The following DIP2C variants were observed in gnomAD, a reference collection of about 807,000 sequenced individuals.
DIP2C encodes the protein disco-interacting protein 2 homolog C.
Under a neutral mutation model 192.4 loss-of-function variants are expected in DIP2C, and 33 were observed. The observed-to-expected ratio is 0.17, with a 90% CI of 0.13 to 0.23. The LOEUF is 0.23. Ranked by LOEUF, DIP2C falls within the 10% of genes least tolerant of loss-of-function variation. DIP2C has a pLI of 1.00. For synonymous variants in DIP2C, 979 were observed against 864.1 expected (o/e 1.13, Z -2.33); for missense variants, 1,537 against 2,110.1 (o/e 0.73, Z 5.32).
chr10:279,608 G>T (rs1044029484), intron 36 of DIP2C, among the ~76,000 whole-genome samples: 1 of 152,244 alleles, frequency 6.6e-6, no homozygotes, highest in Admixed American at 6.5e-5. Flanking sequence ...TGTCACAGCC[G>T]CATTTCTCAG....
chr10:528,505 A>G (rs183818496), intron 1 of DIP2C, among the ~76,000 whole-genome samples: 1 of 152,326 alleles, frequency 6.6e-6, no homozygotes, highest in Admixed American at 6.5e-5. Context: ...ATAGTGGTGG[A>G]TATCCCGGAT....
intron 1 of DIP2C, among the ~76,000 whole-genome samples, chr10:508,486 C>G (rs1168139580): frequency 6.6e-6 from 1 of 152,182 alleles, no homozygotes; most frequent in Non-Finnish European, 1.5e-5. Context: ...GCCCAGCATA[C>G]TGCCTTGATA....
intron 1 of DIP2C, among the ~76,000 whole-genome samples, chr10:573,534 G>T (rs913910178): frequency 6.6e-6 from 1 of 151,974 alleles, no homozygotes; most frequent in Non-Finnish European, 1.5e-5. Context: ...TCAGCCTCTA[G>T]AGTAGCTGGG....
chr10:594,078 C>T (rs561577915), intron 1 of DIP2C, among the ~76,000 whole-genome samples: 2 of 152,308 alleles, frequency 1.3e-5, no homozygotes, highest in South Asian at 2.1e-4. Context: ...CAGCCGTGCA[C>T]AGATCCTCAG....
intron 31 of DIP2C, among the ~76,000 whole-genome samples, chr10:324,278 C>A (rs1318792004): frequency 6.6e-6 from 1 of 152,150 alleles, no homozygotes; most frequent in Non-Finnish European, 1.5e-5. Context: ...GACATGAGCC[C>A]CTTCAAGTCT....
intron 1 of DIP2C, among the ~76,000 whole-genome samples, chr10:610,719 T>G (rs1312828857): frequency 6.6e-6 from 1 of 151,858 alleles, no homozygotes; most frequent in Non-Finnish European, 1.5e-5. Context: ...TGGGCCCTGG[T>G]GGGCGGTGAC....
intron 1 of DIP2C, among the ~76,000 whole-genome samples, chr10:624,002 A>G (rs1564281856): frequency 6.6e-6 from 1 of 152,238 alleles, no homozygotes; most frequent in Non-Finnish European, 1.5e-5. Context: ...ACAAGAGGTC[A>G]AAGATGAAGC....
At chr10:621,448 GCA>G (rs1407635166) in intron 1 of DIP2C, among the ~76,000 whole-genome samples, 1 of 151,616 alleles carries the variant, frequency 6.6e-6, no homozygotes, top group Non-Finnish European at 1.5e-5. Flanking sequence ...CCCCAGGTGT[GCA>G]CACACGCTCT....
intron 36 of DIP2C, among the ~76,000 whole-genome samples, chr10:278,114 AGGGCAT>A (rs1377125393): frequency 6.7e-6 from 1 of 149,592 alleles, no homozygotes; most frequent in Non-Finnish European, 1.5e-5. Flanking sequence ...GTGGACGCCG[AGGGCAT>A]GGGTGCCTAC....
At chr10:662,947 C>T (rs756700856) in intron 1 of DIP2C, 23 of 717,212 alleles carry the variant, frequency 3.2e-5, no homozygotes, top group Non-Finnish European at 4.9e-5. Flanking sequence ...TTCTCAGCTC[C>T]GACCTCTGTG....
intron 1 of DIP2C, among the ~76,000 whole-genome samples, chr10:508,660 T>C (rs979646973): frequency 6.6e-6 from 1 of 152,154 alleles, no homozygotes; most frequent in African/African-American, 2.4e-5. Flanking sequence ...AATGGGATCA[T>C]GCAAAGCTGG....
In DIP2C at chr10:485,060, G is replaced by C. The variant is rs1263300302; in HGVS notation, c.157+1399C>G. On this transcript the variant is annotated intron_variant, in intron 2 of 36. Coordinates refer to ENST00000280886, the MANE Select transcript of DIP2C (RefSeq NM_014974.3). The stretch of plus-strand genomic sequence containing the variant: ...TGCAGGACAGCACACAGACCACCAA[G>C]GGGACCACAGGGCACGACCGCCCTC... The C allele has an allele frequency of 2.3e-6, 3 of 1,330,428 alleles. No individual in the cohort carries two copies. The Admixed American group carries it at 7.5e-5, about 33-fold the overall frequency. 82.4% of individuals were successfully genotyped at this position (1,330,428 alleles called of 1,614,324 possible). A position where few individuals can be genotyped will look rare whatever the true frequency, so the allele number is the denominator to read the frequency against.
intron 1 of DIP2C, among the ~76,000 whole-genome samples, chr10:579,626 G>A (rs542912091): frequency 3.3e-5 from 5 of 152,042 alleles, no homozygotes; most frequent in South Asian, 4.1e-4. Flanking sequence ...CATGTGCACT[G>A]TAACATGTAC....
intron 4 of DIP2C, among the ~76,000 whole-genome samples, chr10:424,339 T>A (rs984092658): frequency 1.3e-5 from 2 of 149,170 alleles, no homozygotes; most frequent in African/African-American, 4.9e-5. Context: ...AGCCTGAAAA[T>A]TCTCTATCAC....
At chr10:568,599 C>G (rs1400970550) in intron 1 of DIP2C, among the ~76,000 whole-genome samples, 1 of 151,600 alleles carries the variant, frequency 6.6e-6, no homozygotes, top group Non-Finnish European at 1.5e-5. Context: ...AACCCCGTCT[C>G]TACTAAAAAT....
At chr10:282,471 A>T (rs1034633420) in intron 35 of DIP2C, among the ~76,000 whole-genome samples, 1 of 152,200 alleles carries the variant, frequency 6.6e-6, no homozygotes, top group Non-Finnish European at 1.5e-5. Context: ...AGGAAGCCTT[A>T]CTGATGTCTG....
intron 1 of DIP2C, among the ~76,000 whole-genome samples, chr10:595,668 G>T (rs931092303): frequency 6.6e-6 from 1 of 152,170 alleles, no homozygotes; most frequent in African/African-American, 2.4e-5. Context: ...GGACACCCCG[G>T]GTTTACCGAA....
At chr10:524,474 C>T (rs991292093) in intron 1 of DIP2C, among the ~76,000 whole-genome samples, 1 of 152,076 alleles carries the variant, frequency 6.6e-6, no homozygotes, top group African/African-American at 2.4e-5. Flanking sequence ...TGCTTATTTT[C>T]CTCTACTTTT....
intron 19 of DIP2C, chr10:364,988 T>C (rs1432468462): frequency 1.9e-6 from 1 of 534,734 alleles, no homozygotes. Context: ...CTCTCTTCAT[T>C]CATAAAATGT....
Sources: gnomAD v4.1 joint callset for allele counts (sites outside exome capture counted in the v4.1 genomes callset) on GRCh38, gnomAD v4.1.1 for gene constraint, MANE v1.5 for transcripts, NCBI Gene and HGNC (gene_info 2026-07-23, HGNC 2026-07-21) for gene names.